The following PTPRN2 variants were observed in gnomAD, a reference collection of about 807,000 sequenced individuals.
PTPRN2 encodes protein tyrosine phosphatase receptor type N2.
PTPRN2 carries 74 observed loss-of-function variants against 118.8 expected under a neutral mutation model. The observed-to-expected ratio is 0.62, with a 90% CI of 0.52 to 0.76. The LOEUF (loss-of-function observed/expected upper bound fraction) is 0.76, where lower values mean the gene tolerates loss of function less well. PTPRN2 is among the 30% of genes least tolerant of loss of function. PTPRN2 has a pLI of 0.00. For synonymous variants in PTPRN2, 641 were observed against 608.0 expected (o/e 1.05, Z -0.80); for missense variants, 1,481 against 1,394.4 (o/e 1.06, Z -0.99).
chr7:157,957,955 G>A (rs6955761), intron 11 of PTPRN2, among the ~76,000 whole-genome samples: 125,890 of 152,184 alleles, frequency 0.83, 52,654 homozygotes, highest in East Asian at 0.89. Context: ...CTAAGAACCA[G>A]TATCCCTTAT....
rs979251596 is a variant in PTPRN2, at chr7:158,422,203, G to A, written c.163+67532C>T. 1.3e-5 allele frequency among the ~76,000 whole-genome samples: 2 copies of A among 152,340 alleles called. 1 individual carries two copies. The highest frequency in any genetic ancestry group is 6.8e-3 in the Middle Eastern group (2 of 294). On this transcript the variant is annotated intron_variant, in intron 2 of 22. Coordinates refer to ENST00000389418, the MANE Select transcript of PTPRN2 (RefSeq NM_002847.5). ...CAAAGGAGCTAGACTACAAGGAACT[G>A]AATTTCAGTCAACCTTTTAAGAAAT...
chr7:158,103,095 C>T (rs1376804298), intron 10 of PTPRN2, among the ~76,000 whole-genome samples: 2 of 152,174 alleles, frequency 1.3e-5, no homozygotes, highest in South Asian at 2.1e-4. Context: ...CAGAAGCAGG[C>T]GTGAGCACCT....
intron 21 of PTPRN2, 92 bp from the exon 22 acceptor site, chr7:157,549,111 T>C: frequency 8.0e-7 from 1 of 1,248,442 alleles, no homozygotes; most frequent in Non-Finnish European, 1.2e-6. Flanking sequence ...CCCTCTGGGC[T>C]GAGAGGCCAA....
At chr7:157,697,066 G>T (rs1196732278) in intron 12 of PTPRN2, among the ~76,000 whole-genome samples, 2 of 23,032 alleles carry the variant, frequency 8.7e-5, no homozygotes, top group South Asian at 3.6e-3. Flanking sequence ...TGCATACTGG[G>T]TCTTGGCAGA....
chr7:157,820,228 A>G (rs901194640), intron 12 of PTPRN2, among the ~76,000 whole-genome samples: 6 of 148,496 alleles, frequency 4.0e-5, no homozygotes, highest in African/African-American at 1.5e-4. Context: ...GTCACACACC[A>G]ACACATTCAC....
At position 158,307,465 on chromosome 7, in the gene PTPRN2, C is replaced by T. The variant is rs116281871; in HGVS notation, c.277+9354G>A. Among the ~76,000 whole-genome samples, 1,291 of 151,750 alleles carry T rather than the reference C, an allele frequency of 8.5e-3. 19 individuals carry two copies. Among genetic ancestry groups the T allele is most frequent in the African/African-American group, 0.03 (1,226 of 41,348 alleles). ...AGACCATCCAATGTACTGAGATACA[C>T]GTAAAGGAAGTCCCAGATGTAGGAG... On this transcript the variant is annotated intron_variant, in intron 3 of 22. Coordinates refer to ENST00000389418, the MANE Select transcript of PTPRN2 (RefSeq NM_002847.5).
chr7:157,543,807 CCTT>C (rs1489346565), intron 22 of PTPRN2, among the ~76,000 whole-genome samples: 1 of 152,184 alleles, frequency 6.6e-6, no homozygotes, highest in African/African-American at 2.4e-5. Context: ...GGATGACACA[CCTT>C]CCTGTGTCTG....
At chr7:157,773,373 G>GA (rs990795332) in intron 12 of PTPRN2, among the ~76,000 whole-genome samples, 4 of 152,186 alleles carry the variant, frequency 2.6e-5, no homozygotes, top group African/African-American at 9.7e-5. Flanking sequence ...ACCTCCAGGA[G>GA]ATGAAAACCT....
intron 12 of PTPRN2, among the ~76,000 whole-genome samples, chr7:157,694,939 A>G (rs1797693688): frequency 6.6e-6 from 1 of 152,172 alleles, no homozygotes; most frequent in Non-Finnish European, 1.5e-5. Flanking sequence ...TTCATATAGA[A>G]GTTAGGGTTG....
chr7:158,317,085 A>G (rs1393835954), intron 2 of PTPRN2, among the ~76,000 whole-genome samples, 153 bp from the exon 3 acceptor site: 1 of 152,192 alleles, frequency 6.6e-6, no homozygotes, highest in African/African-American at 2.4e-5. Context: ...ACCCGGGAGC[A>G]CCCGGAGGAT....
In PTPRN2 at chr7:157,622,640, G is replaced by T. The variant is rs181776243; in HGVS notation, c.2197-1131C>A. 1.4e-4 allele frequency among the ~76,000 whole-genome samples: 22 copies of T among 152,328 alleles called. No individual in the cohort carries two copies. The highest frequency in any genetic ancestry group is 5.3e-4 in the African/African-American group (22 of 41,590). On this transcript the variant is annotated intron_variant, in intron 14 of 22. Coordinates refer to ENST00000389418, the MANE Select transcript of PTPRN2 (RefSeq NM_002847.5). The surrounding 1 kb of genome is among the most constrained non-coding windows in gnomAD (Gnocchi z 5.3). ...AGCAAACACACACCCTGCTGTGCTG[G>T]CCCAGCTCACACGGGAGCAGGTGCA...
chr7:157,918,836 G>A (rs547464188), intron 11 of PTPRN2, among the ~76,000 whole-genome samples: 7 of 152,328 alleles, frequency 4.6e-5, no homozygotes, highest in South Asian at 4.1e-4. Flanking sequence ...GATGCCACTC[G>A]CAGCCTGAGG....
intron 12 of PTPRN2, among the ~76,000 whole-genome samples, chr7:157,766,917 G>C (rs923235437): frequency 1.3e-5 from 2 of 152,232 alleles, no homozygotes; most frequent in African/African-American, 4.8e-5. Flanking sequence ...TTCCTGGCCA[G>C]CTCTCAGCAC....
intron 12 of PTPRN2, among the ~76,000 whole-genome samples, chr7:157,843,157 G>A (rs1283138142): frequency 6.6e-6 from 1 of 152,196 alleles, no homozygotes; most frequent in African/African-American, 2.4e-5. Context: ...TTTATTGAGT[G>A]GATAATGTAG....
intron 12 of PTPRN2, among the ~76,000 whole-genome samples, chr7:157,701,311 CCT>C (rs2150864131): frequency 6.6e-6 from 1 of 152,364 alleles, no homozygotes; most frequent in East Asian, 1.9e-4. Context: ...TGGAGTCACT[CCT>C]CTCTGCAGTC....
intron 12 of PTPRN2, among the ~76,000 whole-genome samples, chr7:157,702,045 TC>T (rs1230325547): frequency 6.7e-6 from 1 of 149,804 alleles, no homozygotes; most frequent in Non-Finnish European, 1.5e-5. Context: ...GAAAGCCCGG[TC>T]GGTGCTGGTG....
intron 15 of PTPRN2, among the ~76,000 whole-genome samples, chr7:157,606,994 C>T (rs1266321078): frequency 6.6e-6 from 1 of 152,176 alleles, no homozygotes; most frequent in Non-Finnish European, 1.5e-5. Flanking sequence ...TGCATGTGTA[C>T]ATACGCACAT....
chr7:157,973,335 T>C (rs1802483597), intron 11 of PTPRN2, among the ~76,000 whole-genome samples: 1 of 121,876 alleles, frequency 8.2e-6, no homozygotes, highest in South Asian at 2.5e-4. Flanking sequence ...AGATGTAAAA[T>C]AACAAATAGC....
chr7:158,171,155 T>TATATATACAC (rs1823562400), intron 5 of PTPRN2, among the ~76,000 whole-genome samples: 1 of 20,090 alleles, frequency 5.0e-5, no homozygotes, highest in Non-Finnish European at 1.5e-4. Flanking sequence ...TATATACACA[T>TATATATACAC]ATATATACAC....
Sources: gnomAD v4.1 joint callset for allele counts (sites outside exome capture counted in the v4.1 genomes callset) on GRCh38, gnomAD v4.1.1 for gene constraint, Gnocchi (gnomAD v3.1) non-coding constraint, MANE v1.5 for transcripts, NCBI Gene and HGNC (gene_info 2026-07-23, HGNC 2026-07-21) for gene names.